The following CFAP251 variants were observed in gnomAD, a reference collection of about 807,000 sequenced individuals.
CFAP251 encodes the protein cilia and flagella associated protein 251.
A neutral mutation model predicts 126.7 loss-of-function variants in CFAP251; 93 were observed. The observed-to-expected ratio is 0.73, with a 90% CI of 0.62 to 0.87. CFAP251 has a LOEUF of 0.87. Ranked by LOEUF, CFAP251 falls within the 40% of genes least tolerant of loss-of-function variation. The pLI, the probability that CFAP251 is intolerant of heterozygous loss-of-function variation, is 0.00. For synonymous variants in CFAP251, 503 were observed against 506.9 expected (o/e 0.99, Z 0.10); for missense variants, 1,287 against 1,389.2 (o/e 0.93, Z 1.17).
chr12:121,964,997 A>C (rs905471031), intron 15 of CFAP251, among the ~76,000 whole-genome samples: 2 of 152,262 alleles, frequency 1.3e-5, no homozygotes, highest in African/African-American at 4.8e-5. Context: ...GCTTCAGAGC[A>C]TTTCCATCAT....
intron 4 of CFAP251, chr12:121,933,447 G>C (rs1880769644): frequency 6.6e-6 from 1 of 152,436 alleles, no homozygotes; most frequent in Non-Finnish European, 1.5e-5. Context: ...TCCCAGCAGG[G>C]AGTGCTGCCA....
rs534557096 is a variant in CFAP251, at chr12:121,984,957, C to T, written c.3006+9272C>T. Among the ~76,000 whole-genome samples the T allele has an allele frequency of 7.6e-4, 116 of 152,216 alleles. 1 individual carries two copies. In the South Asian group the frequency reaches 9.1e-3, roughly 12 times the overall value. ...GCCCAGCAAGTGCCCACATGGTGGA[C>T]GCTTGGCAAATGTTGATGGAATGAG... On this transcript the variant is annotated intron_variant, in intron 19 of 21. Transcript: ENST00000288912.
intron 5 of CFAP251, among the ~76,000 whole-genome samples, chr12:121,936,949 G>T (rs76839048): frequency 0.048 from 7,344 of 152,272 alleles, 577 homozygotes; most frequent in African/African-American, 0.17. Flanking sequence ...AGGTGTGAGT[G>T]TGGGCTCTGG....
intron 19 of CFAP251, among the ~76,000 whole-genome samples, chr12:121,996,577 C>T (rs1883025509): frequency 6.6e-6 from 1 of 152,196 alleles, no homozygotes. Flanking sequence ...CGCATTTCCA[C>T]TTAAACCTAG....
At chr12:121,941,330 C>CCT (rs369768575) in intron 5 of CFAP251, among the ~76,000 whole-genome samples, 1 of 87,708 alleles carries the variant, frequency 1.1e-5, no homozygotes, top group African/African-American at 5.2e-5. Flanking sequence ...CCATGCTGGC[C>CCT]TTTTTTTTTT....
intron 3 of CFAP251, among the ~76,000 whole-genome samples, chr12:121,931,399 G>A (rs1880682564): frequency 6.6e-6 from 1 of 151,720 alleles, no homozygotes; most frequent in African/African-American, 2.4e-5. Context: ...TGCAACCTCC[G>A]CCTCCCGGGT....
rs559275509 is a variant in CFAP251, at chr12:121,957,350, G to A, written c.1730+82G>A. On this transcript the variant is annotated intron_variant, in intron 11 of 21. Transcript: ENST00000288912. ...TTAGTTTGCATACAGTGGGAGGTTC[G>A]TGTTGTTCCTGGGATATCTCCCTGG... 170 of 1,366,876 alleles carry A rather than the reference G, an allele frequency of 1.2e-4. 1 individual carries two copies. Among genetic ancestry groups the A allele is most frequent in the Middle Eastern group, 1.9e-4 (1 of 5,232 alleles). 84.7% of individuals were successfully genotyped at this position (1,366,876 alleles called of 1,614,324 possible).
intron 19 of CFAP251, among the ~76,000 whole-genome samples, chr12:121,994,050 C>T (rs1882962650): frequency 8.9e-6 from 1 of 112,716 alleles, no homozygotes. Flanking sequence ...CCCGCCTGGC[C>T]AGCCGCCCCA....
At chr12:121,922,945 A>G (rs1041469125) in intron 2 of CFAP251, among the ~76,000 whole-genome samples, 8 of 151,882 alleles carry the variant, frequency 5.3e-5, no homozygotes, top group Middle Eastern at 3.4e-3. Context: ...GCCCGCCACC[A>G]CGCCCAGCTA....
intron 17 of CFAP251, among the ~76,000 whole-genome samples, chr12:121,971,008 AC>A (rs1216685819): frequency 2.0e-5 from 3 of 152,182 alleles, no homozygotes; most frequent in African/African-American, 7.2e-5. Flanking sequence ...GGAGCTCTGA[AC>A]ACCAGAGCCG....
chr12:122,003,618 A>G (rs909733127), intron 21 of CFAP251, 34 bp from the exon 22 acceptor site: 2 of 1,527,168 alleles, frequency 1.3e-6, no homozygotes, highest in African/African-American at 1.4e-5. Flanking sequence ...AATCATCATG[A>G]AGGCATTTGG....
At chr12:121,920,968 C>A (rs1044057929) in intron 1 of CFAP251, among the ~76,000 whole-genome samples, 13 of 152,078 alleles carry the variant, frequency 8.5e-5, no homozygotes, top group African/African-American at 3.1e-4. Flanking sequence ...CCTGCCTCAG[C>A]CTCCCAAGTA....
chr12:121,971,566 G>T (rs1240275762), intron 17 of CFAP251: 1 of 702,854 alleles, frequency 1.4e-6, no homozygotes, highest in Admixed American at 2.0e-5. Context: ...AGCCATCCTG[G>T]GAGCCAGGCA....
At chr12:121,936,574 C>T (rs1036617952) in intron 5 of CFAP251, among the ~76,000 whole-genome samples, 5 of 152,116 alleles carry the variant, frequency 3.3e-5, no homozygotes, top group South Asian at 2.1e-4. Flanking sequence ...GGGCTGAACA[C>T]GCCACCTTGT....
Position 121,921,369 on chromosome 12 carries a change from G to A in CFAP251, c.64G>A (p.Glu22Lys), listed in dbSNP as rs778763690. The A allele has an allele frequency of 1.2e-6, 2 of 1,609,366 alleles. No individual in the cohort carries two copies. Among genetic ancestry groups the A allele is most frequent in the Admixed American group, 3.4e-5 (2 of 58,642 alleles). Reference sequence around the variant, plus strand: ...AGAAAATGGAGAAACAGAAATGAAAGAAGAGGAGGAACCTAATCCAAATTA... The same window carrying A: ...AGAAAATGGAGAAACAGAAATGAAAAAAGAGGAGGAACCTAATCCAAATTA... ...TGENGETEMKEEEEPNPNYKE... is the reference protein window; with the variant it reads ...TGENGETEMKKEEEPNPNYKE... The change falls in exon 2 of 22, where the codon GAA becomes AAA. Residue 22 changes from glutamate to lysine, a missense_variant. Transcript: ENST00000288912.
At chr12:121,941,405 C>T (rs1881112557) in intron 5 of CFAP251, among the ~76,000 whole-genome samples, 1 of 138,128 alleles carries the variant, frequency 7.2e-6, no homozygotes, top group Admixed American at 7.9e-5. Flanking sequence ...GTGATCTTGG[C>T]TCACTGCAGC....
At chr12:121,961,849 T>C (rs547555744) in intron 14 of CFAP251, 129 bp from the exon 15 acceptor site, 104 of 918,184 alleles carry the variant, frequency 1.1e-4, no homozygotes, top group Admixed American at 9.9e-4. Flanking sequence ...GGAGACCTGA[T>C]ACCGTCTCCC....
chr12:121,923,411 G>A (rs1444459809), intron 2 of CFAP251, among the ~76,000 whole-genome samples: 1 of 152,086 alleles, frequency 6.6e-6, no homozygotes, highest in Non-Finnish European at 1.5e-5. Context: ...CTCCCCTCTT[G>A]GCCTCCCAAA....
In CFAP251 at chr12:121,960,583, A is replaced by G; in HGVS notation, c.2134-2A>G. 6.2e-7 allele frequency: 1 copy of G among 1,613,940 alleles called. No homozygotes were observed. On this transcript the variant is annotated splice_acceptor_variant, in intron 13 of 21. Transcript: ENST00000288912. LOFTEE classifies it high-confidence loss of function. ...AACTCCTTCTCTTTTGCTCATCTTC[A>G]GGATAGAAGTTTTACTGTGGCTGTT...
Sources: allele counts gnomAD v4.1 joint callset (sites outside exome capture counted in the v4.1 genomes callset), GRCh38; gene constraint gnomAD v4.1.1; transcripts MANE v1.5; gene names NCBI Gene and HGNC (gene_info 2026-07-23, HGNC 2026-07-21).